The following RORA variants were observed in gnomAD, a reference collection of about 807,000 sequenced individuals.
RORA encodes the protein RAR related orphan receptor A, also known as nuclear receptor ROR-alpha.
In RORA, 7 loss-of-function variants were observed where a neutral mutation model predicts 69.5. The ratio of observed to expected loss-of-function variants is 0.10; its 90% confidence interval spans 0.06 to 0.19. The LOEUF is 0.19. Among genes scored for constraint, RORA ranks in the 10% least tolerant of loss-of-function variants. The pLI is 1.00. For synonymous variants in RORA, 261 were observed against 240.8 expected (o/e 1.08, Z -0.78); for missense variants, 457 against 663.0 (o/e 0.69, Z 3.41).
intron 2 of RORA, among the ~76,000 whole-genome samples, chr15:60,569,974 G>A (rs1342845696): frequency 6.6e-6 from 1 of 152,118 alleles, no homozygotes; most frequent in African/African-American, 2.4e-5. Flanking sequence ...AGGAAGATGA[G>A]AACAGAGACT....
intron 1 of RORA, among the ~76,000 whole-genome samples, chr15:61,141,844 G>A (rs185209871): frequency 5.3e-5 from 8 of 152,314 alleles, no homozygotes; most frequent in Non-Finnish European, 1.2e-4. Flanking sequence ...AAACTTTCAC[G>A]TGAGCTTGGA....
chr15:60,607,092 A>G (rs1164443466), intron 2 of RORA, among the ~76,000 whole-genome samples: 2 of 152,202 alleles, frequency 1.3e-5, no homozygotes, highest in African/African-American at 4.8e-5. Context: ...GCAAAGAGAG[A>G]CAATAAATAT....
intron 2 of RORA, among the ~76,000 whole-genome samples, chr15:60,639,665 G>A (rs915511481): frequency 2.0e-5 from 3 of 152,148 alleles, no homozygotes; most frequent in Admixed American, 6.5e-5. Context: ...AGTTGTCATC[G>A]GGTTGCACAA....
Position 61,128,082 on chromosome 15 carries a change from A to G in RORA, c.166+100971T>C, listed in dbSNP as rs920927920. Among the ~76,000 whole-genome samples, 1 of 152,166 alleles carries G rather than the reference A, an allele frequency of 6.6e-6. No homozygotes were observed. Among genetic ancestry groups the G allele is most frequent in the Non-Finnish European group, 1.5e-5 (1 of 68,018 alleles). On this transcript the variant is annotated intron_variant, in intron 1 of 10. Transcript: ENST00000335670. This position sits in a 1 kb window ranked among gnomAD's most constrained non-coding sequence, Gnocchi z 4.5. ...AACAAGGGAAGGAGAAAGGGAGGGA[A>G]AATGCTTTTGGTTTCACACTGAAAC...
chr15:60,569,347 T>C (rs1371748601), intron 2 of RORA, among the ~76,000 whole-genome samples: 1 of 151,764 alleles, frequency 6.6e-6, no homozygotes, highest in African/African-American at 2.4e-5. Context: ...AAGGATCACT[T>C]GAGCCTAGGA....
At chr15:60,659,025 C>T (rs1251396179) in intron 2 of RORA, among the ~76,000 whole-genome samples, 2 of 152,110 alleles carry the variant, frequency 1.3e-5, no homozygotes, top group South Asian at 2.1e-4. Context: ...AGGAACATGC[C>T]GCAAACCTGC....
intron 1 of RORA, among the ~76,000 whole-genome samples, chr15:60,732,198 G>T (rs2071438267): frequency 6.6e-6 from 1 of 152,124 alleles, no homozygotes; most frequent in African/African-American, 2.4e-5. Flanking sequence ...TTTTTAAAAG[G>T]TTCTATTATC....
chr15:61,078,197 C>T (rs932786297), intron 1 of RORA, among the ~76,000 whole-genome samples: 2 of 152,160 alleles, frequency 1.3e-5, no homozygotes, highest in East Asian at 1.9e-4. Context: ...GACGGAGTCT[C>T]GCTCTCCCCA....
At chr15:60,547,193 C>T (rs1210806259) in intron 2 of RORA, among the ~76,000 whole-genome samples, 1 of 152,150 alleles carries the variant, frequency 6.6e-6, no homozygotes, top group Non-Finnish European at 1.5e-5. Flanking sequence ...GGAACCTTGA[C>T]ACCAAAATGA....
chr15:61,105,894 T>G (rs1236805436), intron 1 of RORA, among the ~76,000 whole-genome samples: 1 of 152,204 alleles, frequency 6.6e-6, no homozygotes, highest in Admixed American at 6.5e-5. Context: ...ATCAAAAACC[T>G]ATATGGTGAA....
intron 1 of RORA, among the ~76,000 whole-genome samples, chr15:60,794,387 T>C (rs574557705): frequency 6.6e-6 from 1 of 152,322 alleles, no homozygotes; most frequent in South Asian, 2.1e-4. Flanking sequence ...TTATAGCACA[T>C]AATGAAGTAT....
intron 1 of RORA, among the ~76,000 whole-genome samples, chr15:60,862,025 T>C (rs894607565): frequency 6.6e-6 from 1 of 152,274 alleles, no homozygotes; most frequent in Non-Finnish European, 1.5e-5. Flanking sequence ...TTATATTCAC[T>C]CTAGATTTTA....
At chr15:60,748,854 A>G (rs760600039) in intron 1 of RORA, among the ~76,000 whole-genome samples, 4 of 152,198 alleles carry the variant, frequency 2.6e-5, no homozygotes, top group Non-Finnish European at 5.9e-5. Context: ...TTTGTATTCT[A>G]GAATATTTTT....
intron 1 of RORA, among the ~76,000 whole-genome samples, chr15:61,115,169 GCT>G (rs2079039704): frequency 1.3e-5 from 2 of 152,014 alleles, no homozygotes; most frequent in Admixed American, 6.5e-5. Context: ...TGAAGACACT[GCT>G]CTCTTTCATA....
chr15:60,739,583 G>GT (rs34860976), intron 1 of RORA, among the ~76,000 whole-genome samples: 4 of 149,264 alleles, frequency 2.7e-5, no homozygotes, highest in Admixed American at 6.6e-5. Flanking sequence ...AAAAAAAAAA[G>GT]TTTTTTTTAA....
intron 1 of RORA, among the ~76,000 whole-genome samples, chr15:61,025,275 C>T (rs1033815572): frequency 4.6e-5 from 7 of 152,198 alleles, no homozygotes; most frequent in Non-Finnish European, 1.0e-4. Flanking sequence ...TCTCTGTCCA[C>T]GCCTGAGGCT....
At chr15:61,162,537 A>G (rs1335284691) in intron 1 of RORA, among the ~76,000 whole-genome samples, 1 of 152,160 alleles carries the variant, frequency 6.6e-6, no homozygotes, top group Non-Finnish European at 1.5e-5. Flanking sequence ...CATAAGGGGG[A>G]AAGGTGACAG....
intron 1 of RORA, among the ~76,000 whole-genome samples, chr15:60,873,902 G>A (rs1212979123): frequency 1.3e-5 from 2 of 152,022 alleles, no homozygotes; most frequent in African/African-American, 4.8e-5. Flanking sequence ...CAAAAGAAAG[G>A]GCAAATACAG....
In RORA at chr15:60,513,601, A is replaced by G. The variant is rs1340162174; in HGVS notation, c.424+1015T>C. 3.3e-5 allele frequency among the ~76,000 whole-genome samples: 5 copies of G among 152,370 alleles called. No individual in the cohort carries two copies. The South Asian group carries it at 1.0e-3, about 32-fold the overall frequency. The stretch of plus-strand genomic sequence containing the variant: ...AGTACCATCGGAAGATGAAATCTGC[A>G]GAGTTGCATGTCACAGGAATTTCTG... On this transcript the variant is annotated intron_variant, in intron 4 of 10. Transcript: ENST00000335670.
Sources: allele counts gnomAD v4.1 joint callset (sites outside exome capture counted in the v4.1 genomes callset), GRCh38; gene constraint gnomAD v4.1.1; non-coding constraint Gnocchi (gnomAD v3.1); transcripts MANE v1.5; gene names NCBI Gene and HGNC (gene_info 2026-07-23, HGNC 2026-07-21).